Variants in DUS2 observed in about 807,000 individuals in gnomAD.
DUS2 encodes dihydrouridine synthase 2, also known as tRNA-dihydrouridine(20) synthase [NAD(P)+]-like.
DUS2 carries 52 observed loss-of-function variants against 71.3 expected under a neutral mutation model. That is an observed-to-expected ratio of 0.73 (90% CI 0.58 to 0.92). DUS2 has a LOEUF of 0.92. Among genes scored for constraint, DUS2 ranks in the 40% least tolerant of loss-of-function variants. The pLI is 0.00. For synonymous variants in DUS2, 204 were observed against 227.8 expected (o/e 0.90, Z 0.94); for missense variants, 558 against 622.6 (o/e 0.90, Z 1.10).
intron 2 of DUS2, among the ~76,000 whole-genome samples, chr16:68,028,500 G>T (rs760405107): frequency 1.3e-5 from 2 of 149,864 alleles, no homozygotes; most frequent in African/African-American, 4.9e-5. Flanking sequence ...TTAGCTGGGC[G>T]TGGTGGTGGG....
intron 1 of DUS2, among the ~76,000 whole-genome samples, chr16:68,025,142 A>G (rs1241850694): frequency 1.3e-5 from 2 of 151,972 alleles, no homozygotes; most frequent in Non-Finnish European, 2.9e-5. Flanking sequence ...ATTCTATGCT[A>G]CTTTTATGAT....
At position 68,079,122 on chromosome 16, in the gene DUS2, CAGCCTAG is replaced by C. The variant is rs1289350141; in HGVS notation, c.*140_*146del. The C allele has an allele frequency of 4.8e-6, 4 of 828,306 alleles. No individual in the cohort carries two copies. The African/African-American group carries it at 6.8e-5, about 14-fold the overall frequency. The allele number at this position is 828,306 out of a possible 1,614,324, so 51.3% of individuals were successfully genotyped here. On this transcript the variant is annotated 3_prime_UTR_variant, in exon 17 of 17. Coordinates refer to ENST00000565263, the MANE Select transcript of DUS2 (RefSeq NM_017803.5). ...AGTTAGATGTCCTGGCAGGGGCCAT[CAGCCTAG>C]AGCATGGACCAGGGGCCGCCCAGGG...
intron 12 of DUS2, among the ~76,000 whole-genome samples, chr16:68,072,184 A>T (rs2034096990): frequency 6.6e-6 from 1 of 152,064 alleles, no homozygotes; most frequent in South Asian, 2.1e-4. Context: ...GCAAGCTAGG[A>T]TGGTAAGATG....
Position 68,070,148 on chromosome 16 carries a change from G to A in DUS2, c.569G>A (p.Arg190Gln), listed in dbSNP as rs561510268. 7.4e-5 allele frequency: 120 copies of A among 1,614,026 alleles called. No homozygotes were observed. Among genetic ancestry groups the A allele is most frequent in the East Asian group, 5.6e-4 (25 of 44,866 alleles). ...CTATCTCCAAGGAAGCGGGAGGAGC[G>A]ACCTCAGCATCCTGTCAGCTGTGAA... ...IAVHGRKREE[R>Q]PQHPVSCEVI... The change falls in exon 11 of 17, where the codon CGA becomes CAA. Residue 190 changes from arginine (R) to glutamine (Q), a missense_variant. By Grantham distance (43) the Arg-to-Gln change is conservative. Coordinates refer to ENST00000565263, the MANE Select transcript of DUS2 (RefSeq NM_017803.5).
chr16:68,055,675 A>C (rs75909028), intron 6 of DUS2, among the ~76,000 whole-genome samples: 19,061 of 151,948 alleles, frequency 0.13, 1,301 homozygotes, highest in South Asian at 0.19. Flanking sequence ...ATGTCTTTGC[A>C]GCATGTGGCA....
At chr16:68,059,160 C>A (rs562533325) in intron 7 of DUS2, among the ~76,000 whole-genome samples, 1 of 152,194 alleles carries the variant, frequency 6.6e-6, no homozygotes, top group African/African-American at 2.4e-5. Flanking sequence ...TCGCAGTGAG[C>A]CAAGATCACG....
chr16:68,028,613 TG>T (rs1319357000), intron 2 of DUS2, among the ~76,000 whole-genome samples: 1 of 152,206 alleles, frequency 6.6e-6, no homozygotes, highest in African/African-American at 2.4e-5. Flanking sequence ...CACTCCATCC[TG>T]GGAGACAGTA....
In DUS2 at chr16:68,038,073, C is replaced by A; in HGVS notation, c.50C>A (p.Ala17Asp). 7 of 1,613,882 alleles carry A rather than the reference C, an allele frequency of 4.3e-6. No individual in the cohort carries two copies. Among genetic ancestry groups the A allele is most frequent in the Non-Finnish European group, 5.9e-6 (7 of 1,179,922 alleles). ...SLCYHNKLIL[A>D]PMVRVGTLPM... ...TGTTACCATAATAAGCTAATCCTGG[C>A]CCCAATGGTTCGGGTAGGGACTCTT... The change falls in exon 3 of 17, where the codon GCC becomes GAC. Residue 17 changes from alanine to aspartate, a missense_variant. Physicochemically the swap from Ala to Asp is moderately radical, Grantham distance 126. Transcript: ENST00000565263.
chr16:68,044,466 G>T (rs1227744360), intron 3 of DUS2, among the ~76,000 whole-genome samples: 1 of 149,160 alleles, frequency 6.7e-6, no homozygotes, highest in Non-Finnish European at 1.5e-5. Flanking sequence ...CATGATCTCA[G>T]CTCACTGCAA....
At position 68,053,875 on chromosome 16, in the gene DUS2, C is replaced by T. The variant is rs2033814131; in HGVS notation, c.264+220C>T. 4 of 514,078 alleles carry T rather than the reference C, an allele frequency of 7.8e-6. No homozygotes were observed. In the Admixed American group the frequency reaches 1.0e-4, roughly 13 times the overall value. The allele number at this position is 514,078 out of a possible 1,614,324, so 31.8% of individuals were successfully genotyped here. On this transcript the variant is annotated intron_variant, in intron 5 of 16. Coordinates refer to ENST00000565263, the MANE Select transcript of DUS2 (RefSeq NM_017803.5). ...CAAGCTATCACAGTCTTATATGTCT[C>T]TAGTCTCAAATTTAATTTACTTACT... is the stretch of plus-strand genomic sequence containing the variant.
chr16:68,042,661 CACCA>C (rs2033647718), intron 3 of DUS2, among the ~76,000 whole-genome samples: 1 of 151,896 alleles, frequency 6.6e-6, no homozygotes. Flanking sequence ...AGGCTTATGC[CACCA>C]CACCTGGCTA....
intron 2 of DUS2, 76 bp from the exon 3 acceptor site, chr16:68,037,930 G>C: frequency 6.9e-7 from 1 of 1,448,746 alleles, no homozygotes; most frequent in Non-Finnish European, 9.4e-7. Flanking sequence ...CCTTGAAGAA[G>C]GGAAGCCTGC....
chr16:68,066,666 G>A (rs2151423859), intron 10 of DUS2, 30 bp downstream of exon 10: 1 of 1,609,548 alleles, frequency 6.2e-7, no homozygotes, highest in Non-Finnish European at 8.5e-7. Flanking sequence ...GTGACTGGCA[G>A]GGAGGTCCTA....
intron 3 of DUS2, among the ~76,000 whole-genome samples, chr16:68,047,170 C>G (rs1479280236): frequency 6.6e-6 from 1 of 151,098 alleles, no homozygotes; most frequent in Non-Finnish European, 1.5e-5. Context: ...ATTCTCCTGC[C>G]TCAGCCTCCC....
chr16:68,028,268 C>G (rs976626915), intron 2 of DUS2, among the ~76,000 whole-genome samples: 1 of 152,000 alleles, frequency 6.6e-6, no homozygotes, highest in Non-Finnish European at 1.5e-5. Flanking sequence ...TAGTGCTTTC[C>G]GTGTCTTTAT....
chr16:68,046,293 AT>A (rs943499017), intron 3 of DUS2, among the ~76,000 whole-genome samples: 1 of 152,010 alleles, frequency 6.6e-6, no homozygotes, highest in Non-Finnish European at 1.5e-5. Context: ...GTGAGAACAT[AT>A]GTTATTTGGG....
intron 2 of DUS2, among the ~76,000 whole-genome samples, chr16:68,030,270 G>A (rs2033417799): frequency 1.3e-5 from 2 of 151,994 alleles, no homozygotes; most frequent in Non-Finnish European, 2.9e-5. Flanking sequence ...ACATGTCTGA[G>A]ATAAGAACTG....
At chr16:68,078,720 C>T in intron 16 of DUS2, 29 bp from the exon 17 acceptor site, 1 of 1,586,702 alleles carries the variant, frequency 6.3e-7, no homozygotes, top group Non-Finnish European at 8.6e-7. Flanking sequence ...GCACCCTGCC[C>T]CTCACCTTAT....
intron 4 of DUS2, among the ~76,000 whole-genome samples, chr16:68,051,844 G>C (rs1215734674): frequency 6.6e-6 from 1 of 152,094 alleles, no homozygotes; most frequent in Non-Finnish European, 1.5e-5. Context: ...CCGTTTTCTT[G>C]TGCTTAGGAA....
Sources: gnomAD v4.1 joint callset for allele counts (sites outside exome capture counted in the v4.1 genomes callset) on GRCh38, gnomAD v4.1.1 for gene constraint, MANE v1.5 for transcripts, NCBI Gene and HGNC (gene_info 2026-07-23, HGNC 2026-07-21) for gene names.